SLC39A6: variants seen among roughly 807,000 people sequenced by gnomAD.
SLC39A6 encodes solute carrier family 39 member 6.
In SLC39A6, 51 loss-of-function variants were observed where a neutral mutation model predicts 63.5. The ratio of observed to expected loss-of-function variants is 0.80; its 90% confidence interval spans 0.64 to 1.01. SLC39A6 has a LOEUF of 1.01. Ranked by LOEUF, SLC39A6 falls within the 50% of genes least tolerant of loss-of-function variation. The pLI, the probability that SLC39A6 is intolerant of heterozygous loss-of-function variation, is 0.00. For missense variants in SLC39A6, 805 were observed against 927.8 expected (o/e 0.87, Z 1.72); for synonymous variants, 318 against 324.7 (o/e 0.98, Z 0.22).
chr18:36,125,934 T>C (rs545808175), intron 2 of SLC39A6, among the ~76,000 whole-genome samples: 1 of 152,370 alleles, frequency 6.6e-6, no homozygotes, highest in African/African-American at 2.4e-5. Flanking sequence ...TCTCTAAAGA[T>C]AGCCTTGATA....
chr18:36,113,261 ATTTT>A (rs79594211), intron 7 of SLC39A6, among the ~76,000 whole-genome samples: 1 of 146,118 alleles, frequency 6.8e-6, no homozygotes, highest in Non-Finnish European at 1.5e-5. Context: ...TACCTGGCTA[ATTTT>A]TTTTTTTTTT....
At chr18:36,126,121 T>A in intron 2 of SLC39A6, 98 bp downstream of exon 2, 1 of 1,205,448 alleles carries the variant, frequency 8.3e-7, no homozygotes, top group Non-Finnish European at 1.2e-6. Flanking sequence ...AACTTCAACA[T>A]TTTACTTTTA....
At chr18:36,128,585 T>C (rs941767692) in intron 1 of SLC39A6, among the ~76,000 whole-genome samples, 1 of 152,122 alleles carries the variant, frequency 6.6e-6, no homozygotes, top group Non-Finnish European at 1.5e-5. Flanking sequence ...GATAAACATT[T>C]AGAAATCATT....
Position 36,109,750 on chromosome 18 carries a change from A to T in SLC39A6, c.2116-5T>A, listed in dbSNP as rs1341626218. Reference sequence around the variant, plus strand: ...ATTGTGCAGCATTTCAGGTACCTTTAAAAAAAAGTAAGGGAAAATAAGAGT... The same window carrying T: ...ATTGTGCAGCATTTCAGGTACCTTTTAAAAAAAGTAAGGGAAAATAAGAGT... On this transcript the variant is annotated splice_polypyrimidine_tract_variant and splice_region_variant and intron_variant, in intron 9 of 9. Transcript: ENST00000269187. 1.1e-5 allele frequency: 17 copies of T among 1,579,266 alleles called. No homozygotes were observed. The highest frequency in any genetic ancestry group is 1.5e-5 in the Non-Finnish European group (17 of 1,166,392).
intron 6 of SLC39A6, 38 bp from the exon 7 acceptor site, chr18:36,114,512 G>A (rs1374230448): frequency 1.3e-6 from 2 of 1,517,866 alleles, no homozygotes; most frequent in Admixed American, 1.9e-5. Context: ...ACAGTTAGAA[G>A]GCTTTGTTAA....
intron 4 of SLC39A6, 91 bp downstream of exon 4, chr18:36,123,404 C>T (rs1212134591): frequency 1.2e-5 from 15 of 1,218,488 alleles, no homozygotes; most frequent in Non-Finnish European, 1.6e-5. Context: ...AAATTTCTAA[C>T]ATTTTATACA....
rs777854974 is a variant in SLC39A6 at position 36,127,000 on chromosome 18, C to T, written c.8G>A (p.Arg3Lys). The change falls in exon 2 of 10, where the codon AGG becomes AAG. Residue 3 changes from arginine to lysine, a missense_variant. Physicochemically the swap from Arg to Lys is conservative, Grantham distance 26. This residue lies in a region of SLC39A6 where 639 missense variants were observed against 644.0 expected (regional missense o/e 0.99). Coordinates refer to ENST00000269187, the MANE Select transcript of SLC39A6 (RefSeq NM_012319.4). MA[R>K]KLSVILILTF... ...CAGGATCAAGATTACAGATAACTTC[C>T]TCGCCATTGCGCCTTCCTAGAAAAG... 6.2e-7 allele frequency: 1 copy of T among 1,606,800 alleles called. No homozygotes were observed. The highest frequency in any genetic ancestry group is 8.5e-7 in the Non-Finnish European group (1 of 1,175,930).
intron 4 of SLC39A6, 127 bp downstream of exon 4, chr18:36,123,368 T>C: frequency 1.2e-6 from 1 of 814,484 alleles, no homozygotes; most frequent in Non-Finnish European, 1.9e-6. Flanking sequence ...TTACCAAATA[T>C]ATTTTAAAAT....
intron 6 of SLC39A6, 91 bp downstream of exon 6, chr18:36,116,583 A>G: frequency 1.2e-6 from 1 of 828,702 alleles, no homozygotes; most frequent in Non-Finnish European, 2.0e-6. Context: ...ACCAAGGGAC[A>G]TGGTCCCATT....
In SLC39A6 at chr18:36,116,697, T is replaced by C. The variant is rs774215729; in HGVS notation, c.1442A>G (p.Glu481Gly). 6.2e-7 allele frequency: 1 copy of C among 1,610,458 alleles called. No homozygotes were observed. The highest frequency in any genetic ancestry group is 8.5e-7 in the Non-Finnish European group (1 of 1,176,866). Residue 481 changes from glutamate (E) to glycine (G), a missense_variant, in exon 6 of 10, where the codon GAG becomes GGG. Physicochemically the swap from Glu to Gly is moderately conservative, Grantham distance 98. Transcript: ENST00000269187. ...SKYESQLSTN[E>G]EKVDTDDRTE... ...ACGATCATCTGTATCTACTTTCTCC[T>C]CATTTGTTGAAAGTTGAGATTCATA... is the stretch of plus-strand genomic sequence containing the variant.
In SLC39A6 at chr18:36,114,439, G is replaced by T; in HGVS notation, c.1501C>A (p.Pro501Thr). The change falls in exon 7 of 10, where the codon CCC becomes ACC. Residue 501 changes from proline (P) to threonine (T), a missense_variant. Around this residue, in one of 4 missense-constraint regions of SLC39A6, gnomAD observed 639 missense variants for 644.0 expected, o/e 0.99. Coordinates refer to ENST00000269187, the MANE Select transcript of SLC39A6 (RefSeq NM_012319.4). Reference protein sequence around the residue: ...EGYLRADSQEPSHFDSQQPAV... With the variant: ...EGYLRADSQETSHFDSQQPAV... ...GGCTGCTGAGAATCAAAGTGGGAGGGCTCTTGTGAGTCTGCTCGTAAATAG... is the reference window on the plus strand; with the variant it reads ...GGCTGCTGAGAATCAAAGTGGGAGGTCTCTTGTGAGTCTGCTCGTAAATAG... 1.2e-6 allele frequency: 2 copies of T among 1,613,620 alleles called. No homozygotes were observed.
At chr18:36,111,302 GAC>G (rs1470286331) in intron 8 of SLC39A6, 53 bp from the exon 9 acceptor site, 1 of 1,558,656 alleles carries the variant, frequency 6.4e-7, no homozygotes, top group African/African-American at 1.4e-5. Flanking sequence ...TCATTTTTAA[GAC>G]ACATACCAAG....
At chr18:36,116,152 AC>A (rs1475238756) in intron 6 of SLC39A6, among the ~76,000 whole-genome samples, 2 of 152,228 alleles carry the variant, frequency 1.3e-5, no homozygotes, top group African/African-American at 4.8e-5. Context: ...TGGAAGAATA[AC>A]GTCTACAGAG....
chr18:36,121,142 A>G (rs565457291), intron 5 of SLC39A6, among the ~76,000 whole-genome samples: 1 of 151,512 alleles, frequency 6.6e-6, no homozygotes, highest in African/African-American at 2.4e-5. Context: ...ATATGAACAC[A>G]TCACTTTTCT....
intron 1 of SLC39A6, among the ~76,000 whole-genome samples, chr18:36,127,438 C>A (rs2089449018): frequency 6.6e-6 from 1 of 151,928 alleles, no homozygotes; most frequent in South Asian, 2.1e-4. Context: ...CTTTGGGAGG[C>A]TGAGGCAGGC....
chr18:36,109,695 C>T lies in SLC39A6; in HGVS notation c.2166G>A (p.Trp722Ter), dbSNP rs746803845. Residue 722 changes from tryptophan (W) to a stop codon, truncating the protein, a stop_gained, in exon 10 of 10, where the codon TGG becomes TGA. Transcript: ENST00000269187. LOFTEE classifies it high-confidence loss of function. ...NDASDHGCSR[W>*]GYFFLQNAGM... is the part of the protein sequence containing the mutation. ...CAGCATTCTGTAAAAAGAAATACCC[C>T]CAGCGGCTACATCCATGGTCACTAG... is the stretch of plus-strand genomic sequence containing the variant. The T allele has an allele frequency of 6.2e-7, 1 of 1,612,494 alleles. No individual in the cohort carries two copies. Among genetic ancestry groups the T allele is most frequent in the South Asian group, 1.1e-5 (1 of 90,994 alleles).
chr18:36,126,671 C>A lies in SLC39A6; in HGVS notation c.337G>T (p.Asp113Tyr). 6.2e-7 allele frequency: 1 copy of A among 1,602,568 alleles called. No individual in the cohort carries two copies. Among genetic ancestry groups the A allele is most frequent in the Non-Finnish European group, 8.5e-7 (1 of 1,172,090 alleles). ...TCGTGCTCTGAGTGATGCTCATGGTCTGAGTGACGCTCATGGTCTGAGTGA... is the reference window on the plus strand; with the variant it reads ...TCGTGCTCTGAGTGATGCTCATGGTATGAGTGACGCTCATGGTCTGAGTGA... ...EHHSDHERHS[D>Y]HEHHSEHEHH... The change falls in exon 2 of 10, where the codon GAC becomes TAC. Residue 113 changes from aspartate to tyrosine, a missense_variant. Transcript: ENST00000269187.
At chr18:36,114,513 G>A in intron 6 of SLC39A6, 39 bp from the exon 7 acceptor site, 1 of 1,512,134 alleles carries the variant, frequency 6.6e-7, no homozygotes, top group Non-Finnish European at 8.9e-7. Flanking sequence ...CAGTTAGAAG[G>A]CTTTGTTAAT....
chr18:36,117,753 C>T (rs948803944), intron 5 of SLC39A6, among the ~76,000 whole-genome samples: 4 of 152,156 alleles, frequency 2.6e-5, no homozygotes, highest in East Asian at 1.9e-4. Flanking sequence ...CAAACACGGC[C>T]GGGCATGGTG....
Sources: allele counts gnomAD v4.1 joint callset (sites outside exome capture counted in the v4.1 genomes callset), GRCh38; gene constraint gnomAD v4.1.1; regional missense constraint gnomAD v4.1.1; transcripts MANE v1.5; gene names NCBI Gene and HGNC (gene_info 2026-07-23, HGNC 2026-07-21).